The following VAV1 variants were observed in gnomAD, a reference collection of about 807,000 sequenced individuals.
VAV1 encodes vav guanine nucleotide exchange factor 1, also known as proto-oncogene vav.
Under a neutral mutation model 128.1 loss-of-function variants are expected in VAV1, and 33 were observed. That is an observed-to-expected ratio of 0.26 (90% CI 0.20 to 0.34). The LOEUF is 0.34. VAV1 is among the 10% of genes least tolerant of loss of function. The pLI is 1.00. For synonymous variants in VAV1, 394 were observed against 409.8 expected, an observed-to-expected ratio of 0.96 and a Z score of 0.47; for missense variants, 715 against 1,093.7, an observed-to-expected ratio of 0.65 and a Z score of 4.88.
At chr19:6,808,842 G>A (rs1380327689) in intron 1 of VAV1, among the ~76,000 whole-genome samples, 3 of 152,088 alleles carry the variant, frequency 2.0e-5, no homozygotes, top group East Asian at 1.9e-4. Context: ...GGTAGTCTAG[G>A]AGGGCCTCAT....
At chr19:6,845,929 A>T (rs1972509079) in intron 22 of VAV1, among the ~76,000 whole-genome samples, 2 of 148,558 alleles carry the variant, frequency 1.3e-5, no homozygotes, top group South Asian at 4.3e-4. Flanking sequence ...GAGAATTAAC[A>T]TTTATTATTT....
Position 6,826,944 on chromosome 19 carries a change from C to T in VAV1, c.927+233C>T, listed in dbSNP as rs1049055963. The T allele has an allele frequency of 1.8e-6, 1 of 562,608 alleles. No individual in the cohort carries two copies. Among genetic ancestry groups the T allele is most frequent in the African/African-American group, 1.9e-5 (1 of 53,078 alleles). The allele number at this position is 562,608 out of a possible 1,614,324, so 34.9% of individuals were successfully genotyped here. ...CTGATATCAGGGTGAAGTCCTGACC[C>T]TGAACTGAGCTCTGATCTCACACTC... On this transcript the variant is annotated intron_variant, in intron 9 of 26. Transcript: ENST00000602142. The surrounding 1 kb of genome is among the most constrained non-coding windows in gnomAD (Gnocchi z 4.1).
intron 1 of VAV1, among the ~76,000 whole-genome samples, chr19:6,796,242 AGT>A (rs1394126144): frequency 1.3e-5 from 2 of 152,150 alleles, no homozygotes; most frequent in Non-Finnish European, 2.9e-5. Flanking sequence ...CTTGCTATTG[AGT>A]GTGTACTCGA....
chr19:6,779,978 G>T (rs1342323888), intron 1 of VAV1, among the ~76,000 whole-genome samples: 1 of 149,018 alleles, frequency 6.7e-6, no homozygotes, highest in African/African-American at 2.4e-5. Context: ...GGGCGTGGTT[G>T]CGGGCGCCTG....
At chr19:6,839,572 A>G (rs1396289684) in intron 21 of VAV1, among the ~76,000 whole-genome samples, 2 of 151,492 alleles carry the variant, frequency 1.3e-5, no homozygotes, top group Non-Finnish European at 2.9e-5. Context: ...CCGGCTGGGT[A>G]TGGCATTTTC....
intron 1 of VAV1, among the ~76,000 whole-genome samples, chr19:6,798,520 G>T (rs1215660809): frequency 6.6e-6 from 1 of 152,034 alleles, no homozygotes; most frequent in African/African-American, 2.4e-5. Flanking sequence ...GGTCATAGTG[G>T]CATGTGCCTG....
At chr19:6,837,078 A>G in intron 21 of VAV1, 28 bp downstream of exon 21, 1 of 1,612,374 alleles carries the variant, frequency 6.2e-7, no homozygotes, top group Non-Finnish European at 8.5e-7. Context: ...GAATGGAATA[A>G]GGGCAAGGGG....
chr19:6,848,289 C>T (rs992573252), intron 23 of VAV1, among the ~76,000 whole-genome samples, 175 bp downstream of exon 23: 9 of 152,120 alleles, frequency 5.9e-5, no homozygotes, highest in Non-Finnish European at 1.3e-4. Context: ...AATTGACGAC[C>T]ACAAGAAAGA....
At chr19:6,830,387 C>A (rs1479883321) in intron 14 of VAV1, among the ~76,000 whole-genome samples, 1 of 151,946 alleles carries the variant, frequency 6.6e-6, no homozygotes, top group Non-Finnish European at 1.5e-5. Context: ...ATCCAGGGCA[C>A]TCTTCTAGGC....
chr19:6,791,871 T>C (rs1341752226), intron 1 of VAV1, among the ~76,000 whole-genome samples: 1 of 152,000 alleles, frequency 6.6e-6, no homozygotes, highest in Non-Finnish European at 1.5e-5. Flanking sequence ...GCAAAGACTG[T>C]GCAAATGCCC....
intron 21 of VAV1, among the ~76,000 whole-genome samples, chr19:6,837,586 A>C (rs183028091): frequency 2.6e-5 from 4 of 152,278 alleles, no homozygotes; most frequent in African/African-American, 7.2e-5. Flanking sequence ...CACAGCCTGC[A>C]GAGGGAAATT....
chr19:6,854,047 C>A lies in VAV1; in HGVS notation c.2433C>A (p.Ile811=), dbSNP rs1323159634. 1.2e-6 allele frequency: 2 copies of A among 1,613,752 alleles called. No homozygotes were observed. Among genetic ancestry groups the A allele is most frequent in the African/African-American group, 2.7e-5 (2 of 74,918 alleles). ...LSLKEGDIIK[I]LNKKGQQGWW... is the part of the protein sequence containing the mutation. ...TCAAGGAGGGTGACATCATCAAGAT[C>A]CTTAACAAGAAGGGACAGCAAGGCT... Residue 811 remains isoleucine (I), a synonymous_variant, in exon 26 of 27, where the codon ATC becomes ATA. Coordinates refer to ENST00000602142, the MANE Select transcript of VAV1 (RefSeq NM_005428.4).
At chr19:6,850,225 G>GTTTTTTTTTTT (rs760967154) in intron 23 of VAV1, among the ~76,000 whole-genome samples, 26 of 49,040 alleles carry the variant, frequency 5.3e-4, no homozygotes, top group African/African-American at 1.6e-3. Flanking sequence ...TTGTTTCTTT[G>GTTTTTTTTTTT]TTTTTTTTTT....
At chr19:6,812,956 A>T (rs557752400) in intron 1 of VAV1, among the ~76,000 whole-genome samples, 4 of 152,322 alleles carry the variant, frequency 2.6e-5, no homozygotes, top group African/African-American at 9.6e-5. Flanking sequence ...CTTTTTATGC[A>T]TCATATAACT....
intron 14 of VAV1, among the ~76,000 whole-genome samples, chr19:6,831,859 T>A (rs1411507643): frequency 6.6e-6 from 1 of 151,628 alleles, no homozygotes; most frequent in Non-Finnish European, 1.5e-5. Flanking sequence ...GGGGAGTGTG[T>A]GTGTGTGTGT....
chr19:6,784,290 A>G (rs779239283), intron 1 of VAV1: 16 of 518,548 alleles, frequency 3.1e-5, no homozygotes, highest in Non-Finnish European at 5.6e-5. Flanking sequence ...GGAAATCTCA[A>G]TGGGATGTAG....
chr19:6,775,789 C>A (rs1300725817), intron 1 of VAV1, among the ~76,000 whole-genome samples: 1 of 152,066 alleles, frequency 6.6e-6, no homozygotes, highest in Non-Finnish European at 1.5e-5. Flanking sequence ...TAACTGTCCA[C>A]AGATTGAAGC....
intron 1 of VAV1, among the ~76,000 whole-genome samples, chr19:6,793,454 T>C (rs1207320512): frequency 1.3e-5 from 2 of 152,000 alleles, no homozygotes; most frequent in African/African-American, 4.8e-5. Flanking sequence ...GGTGATTTGT[T>C]GGGGGAGCTT....
In VAV1 at chr19:6,822,556, G is replaced by T. The variant is rs1389466051; in HGVS notation, c.654+42G>T. Reference sequence around the variant, plus strand: ...CAGCGCCTGCCGGGCGCATGCGCGGGAGCTGGGCCGGCAGGTGCACGTCCA... The same window carrying T: ...CAGCGCCTGCCGGGCGCATGCGCGGTAGCTGGGCCGGCAGGTGCACGTCCA... On this transcript the variant is annotated intron_variant, in intron 6 of 26. Coordinates refer to ENST00000602142, the MANE Select transcript of VAV1 (RefSeq NM_005428.4). The surrounding 1 kb of genome is among the most constrained non-coding windows in gnomAD (Gnocchi z 5.9). 2 of 1,529,144 alleles carry T rather than the reference G, an allele frequency of 1.3e-6. No individual in the cohort carries two copies. Among genetic ancestry groups the T allele is most frequent in the Admixed American group, 3.9e-5 (2 of 50,662 alleles). 94.7% of individuals were successfully genotyped at this position (1,529,144 alleles called of 1,614,324 possible). A position where few individuals can be genotyped will look rare whatever the true frequency, so the allele number is the denominator to read the frequency against.
Sources: allele counts gnomAD v4.1 joint callset (sites outside exome capture counted in the v4.1 genomes callset), GRCh38; gene constraint gnomAD v4.1.1; non-coding constraint Gnocchi (gnomAD v3.1); transcripts MANE v1.5; gene names NCBI Gene and HGNC (gene_info 2026-07-23, HGNC 2026-07-21).